The following PPP1R3A variants were observed in gnomAD, a reference collection of about 807,000 sequenced individuals.
The protein encoded by PPP1R3A is RG1.
PPP1R3A carries 29 observed loss-of-function variants against 41.7 expected under a neutral mutation model. The observed-to-expected ratio is 0.70, with a 90% CI of 0.52 to 0.95. The LOEUF is 0.95. Among genes scored for constraint, PPP1R3A ranks in the 40% least tolerant of loss-of-function variants. The pLI, the probability that PPP1R3A is intolerant of heterozygous loss-of-function variation, is 0.00. For synonymous variants in PPP1R3A, 485 were observed against 453.4 expected, an observed-to-expected ratio of 1.07 and a Z score of -0.89; for missense variants, 1,352 against 1,292.4, an observed-to-expected ratio of 1.05 and a Z score of -0.71.
intron 1 of PPP1R3A, among the ~76,000 whole-genome samples, chr7:113,887,080 G>GTTCT (rs1444982771): frequency 1.3e-5 from 2 of 151,896 alleles, no homozygotes; most frequent in East Asian, 3.9e-4. Context: ...CTATGACAGT[G>GTTCT]TTCTTCTCTT....
chr7:113,883,429 A>G (rs551401343), intron 1 of PPP1R3A, among the ~76,000 whole-genome samples: 1 of 152,024 alleles, frequency 6.6e-6, no homozygotes. Flanking sequence ...TTCCATCCTG[A>G]CCATGCAAGA....
chr7:113,879,817 A>G lies in PPP1R3A; in HGVS notation c.1275T>C (p.Asp425=), dbSNP rs1796656475. ...IKPSLGDTSS[D]ELVQLHTGSK... ...TGCCAGTATGTAATTGCACTAGTTC[A>G]TCACTACTAGTATCTCCCAATGATG... The change falls in exon 4 of 4, where the codon GAT becomes GAC. Residue 425 remains aspartate, a synonymous_variant. Transcript: ENST00000284601. 1 of 1,613,408 alleles carries G rather than the reference A, an allele frequency of 6.2e-7. No individual in the cohort carries two copies. The highest frequency in any genetic ancestry group is 8.5e-7 in the Non-Finnish European group (1 of 1,179,550).
chr7:113,908,954 A>C (rs1322253913), intron 1 of PPP1R3A, among the ~76,000 whole-genome samples: 1 of 151,898 alleles, frequency 6.6e-6, no homozygotes, highest in Non-Finnish European at 1.5e-5. Flanking sequence ...ATATATGGCC[A>C]TAAAGATGGA....
Position 113,917,065 on chromosome 7 carries a change from C to T in PPP1R3A, c.782+1150G>A, listed in dbSNP as rs10046595. On this transcript the variant is annotated intron_variant, in intron 1 of 3. Coordinates refer to ENST00000284601, the MANE Select transcript of PPP1R3A (RefSeq NM_002711.4). Reference sequence around the variant, plus strand: ...AATGCATTTAGTAGTTATTATTTATCGTTTAAAGCACAATTTTTAAAAAAA... The same window carrying T: ...AATGCATTTAGTAGTTATTATTTATTGTTTAAAGCACAATTTTTAAAAAAA... Among the ~76,000 whole-genome samples the T allele has an allele frequency of 4.8e-3, 735 of 152,090 alleles. 5 individuals carry two copies. Among genetic ancestry groups the T allele is most frequent in the African/African-American group, 0.013 (543 of 41,520 alleles).
At position 113,879,607 on chromosome 7, in the gene PPP1R3A, T is replaced by A; in HGVS notation, c.1485A>T (p.Ala495=). 1 of 1,613,340 alleles carries A rather than the reference T, an allele frequency of 6.2e-7. No homozygotes were observed. The highest frequency in any genetic ancestry group is 8.5e-7 in the Non-Finnish European group (1 of 1,179,656). ...LRRDFHSDTS[A]CLKESTEEGS... ...CTTCTTCTGTTGATTCTTTGAGACA[T>A]GCCGACGTATCTGAATGGAAATCTC... The change falls in exon 4 of 4, where the codon GCA becomes GCT. Residue 495 remains alanine (A), a synonymous_variant. Coordinates refer to ENST00000284601, the MANE Select transcript of PPP1R3A (RefSeq NM_002711.4).
In PPP1R3A at chr7:113,878,450, T is replaced by C. The variant is rs757170306; in HGVS notation, c.2642A>G (p.Asp881Gly). 1.2e-6 allele frequency: 2 copies of C among 1,612,492 alleles called. No individual in the cohort carries two copies. Among genetic ancestry groups the C allele is most frequent in the African/African-American group, 2.7e-5 (2 of 74,856 alleles). ...TDKTVFSENR[D>G]LRQVQELSKK... ...TGATAATTCTTGAACCTGCCTAAGATCTCTGTTTTCTGAAAATACAGTTTT... is the reference window on the plus strand; with the variant it reads ...TGATAATTCTTGAACCTGCCTAAGACCTCTGTTTTCTGAAAATACAGTTTT... The change falls in exon 4 of 4, where the codon GAT becomes GGT. Residue 881 changes from aspartate to glycine, a missense_variant. Physicochemically the swap from Asp to Gly is moderately conservative, Grantham distance 94 (BLOSUM62 -1). Coordinates refer to ENST00000284601, the MANE Select transcript of PPP1R3A (RefSeq NM_002711.4).
At chr7:113,899,340 G>T (rs1425295392) in intron 1 of PPP1R3A, among the ~76,000 whole-genome samples, 2 of 151,740 alleles carry the variant, frequency 1.3e-5, no homozygotes, top group African/African-American at 4.8e-5. Flanking sequence ...AAATGAAAAT[G>T]CCACGCTGTG....
At chr7:113,880,674 A>G (rs1796675990) in intron 3 of PPP1R3A, among the ~76,000 whole-genome samples, 1 of 150,642 alleles carries the variant, frequency 6.6e-6, no homozygotes, top group African/African-American at 2.4e-5. Flanking sequence ...TGAGCTCTTC[A>G]GTGATGCCAA....
intron 1 of PPP1R3A, among the ~76,000 whole-genome samples, chr7:113,900,168 C>T (rs373996748): frequency 7.9e-5 from 12 of 151,458 alleles, no homozygotes; most frequent in Non-Finnish European, 5.9e-5. Flanking sequence ...ATCATGTTTA[C>T]GAAGATTTAG....
At chr7:113,894,220 G>T (rs954376240) in intron 1 of PPP1R3A, among the ~76,000 whole-genome samples, 1 of 151,946 alleles carries the variant, frequency 6.6e-6, no homozygotes, top group Non-Finnish European at 1.5e-5. Flanking sequence ...TTTGGAATGA[G>T]ATATAATTAC....
chr7:113,907,528 A>T (rs912566417), intron 1 of PPP1R3A, among the ~76,000 whole-genome samples: 6 of 151,898 alleles, frequency 4.0e-5, no homozygotes, highest in African/African-American at 1.2e-4. Context: ...ACCAAAAAAA[A>T]AAATCAACAT....
At chr7:113,891,510 C>A (rs1796888120) in intron 1 of PPP1R3A, among the ~76,000 whole-genome samples, 1 of 151,960 alleles carries the variant, frequency 6.6e-6, no homozygotes, top group African/African-American at 2.4e-5. Context: ...GTAAATATAC[C>A]CTTATTATCA....
intron 1 of PPP1R3A, among the ~76,000 whole-genome samples, chr7:113,883,020 C>T (rs1796720994): frequency 6.6e-6 from 1 of 151,952 alleles, no homozygotes; most frequent in Non-Finnish European, 1.5e-5. Flanking sequence ...ATTTCCTTTT[C>T]TAGCATACCC....
At chr7:113,908,095 G>A (rs1426244211) in intron 1 of PPP1R3A, among the ~76,000 whole-genome samples, 1 of 151,808 alleles carries the variant, frequency 6.6e-6, no homozygotes. Context: ...AGCACTAGGG[G>A]TCCTGTTGAA....
chr7:113,879,684 G>A lies in PPP1R3A; in HGVS notation c.1408C>T (p.His470Tyr), dbSNP rs551985108. ...QLMAGNLNKK[H>Y]EGGAKNIEVK... ...TCAATATTTTTAGCTCCTCCTTCAT[G>A]TTTTTTATTAAGGTTTCCTGCCATT... The change falls in exon 4 of 4, where the codon CAT becomes TAT. Residue 470 changes from histidine (H) to tyrosine (Y), a missense_variant. Physicochemically the swap from His to Tyr is moderately conservative, Grantham distance 83. Transcript: ENST00000284601. The A allele has an allele frequency of 6.2e-7, 1 of 1,613,058 alleles. No individual in the cohort carries two copies. Among genetic ancestry groups the A allele is most frequent in the Non-Finnish European group, 8.5e-7 (1 of 1,179,608 alleles).
At chr7:113,888,461 A>AT (rs957365810) in intron 1 of PPP1R3A, among the ~76,000 whole-genome samples, 1 of 152,040 alleles carries the variant, frequency 6.6e-6, no homozygotes, top group Non-Finnish European at 1.5e-5. Context: ...CTGTACATAG[A>AT]TTTTTTAATG....
intron 1 of PPP1R3A, among the ~76,000 whole-genome samples, chr7:113,894,003 G>C (rs1014016545): frequency 6.6e-6 from 1 of 151,898 alleles, no homozygotes; most frequent in African/African-American, 2.4e-5. Context: ...GTGACAAAGT[G>C]GTAGGTGGTG....
chr7:113,888,196 G>C (rs529209366), intron 1 of PPP1R3A, among the ~76,000 whole-genome samples: 1 of 152,204 alleles, frequency 6.6e-6, no homozygotes, highest in South Asian at 2.1e-4. Context: ...GAATTATTTA[G>C]GTACTTTTTA....
chr7:113,881,509 A>ATTTG (rs146243686), intron 3 of PPP1R3A, among the ~76,000 whole-genome samples: 4,458 of 152,032 alleles, frequency 0.029, 218 homozygotes, highest in African/African-American at 0.099. Context: ...ATAGTACTGA[A>ATTTG]TTTGTTTCCT....
Sources: allele counts gnomAD v4.1 joint callset (sites outside exome capture counted in the v4.1 genomes callset), GRCh38; gene constraint gnomAD v4.1.1; transcripts MANE v1.5; gene names NCBI Gene and HGNC (gene_info 2026-07-23, HGNC 2026-07-21).